PAPPA2: variants seen among roughly 807,000 people sequenced by gnomAD.
PAPPA2 encodes the protein pappalysin 2.
In PAPPA2, 86 loss-of-function variants were observed where a neutral mutation model predicts 176.4. The observed-to-expected ratio is 0.49, with a 90% CI of 0.41 to 0.58. The LOEUF (loss-of-function observed/expected upper bound fraction) is 0.58, where lower values mean the gene tolerates loss of function less well. Ranked by LOEUF, PAPPA2 falls within the 20% of genes least tolerant of loss-of-function variation. The pLI is 0.00. For missense variants in PAPPA2, 2,073 were observed against 2,256.9 expected, an observed-to-expected ratio of 0.92 and a Z score of 1.65; for synonymous variants, 809 against 852.2, an observed-to-expected ratio of 0.95 and a Z score of 0.88.
intron 3 of PAPPA2, among the ~76,000 whole-genome samples, chr1:176,630,787 T>A (rs1369628202): frequency 6.6e-6 from 1 of 152,158 alleles, no homozygotes; most frequent in Non-Finnish European, 1.5e-5. Context: ...CATAAAGAAT[T>A]GATGAGAAGC....
chr1:176,711,540 T>C (rs1281769216), intron 11 of PAPPA2, among the ~76,000 whole-genome samples: 1 of 152,170 alleles, frequency 6.6e-6, no homozygotes, highest in Non-Finnish European at 1.5e-5. Flanking sequence ...TCCCTGGCTG[T>C]TCCTGGGGCA....
intron 17 of PAPPA2, among the ~76,000 whole-genome samples, chr1:176,777,370 A>G (rs1404326870): frequency 6.6e-6 from 1 of 152,024 alleles, no homozygotes. Context: ...TTCCTTCTTG[A>G]TGGGTTTTGG....
chr1:176,738,941 T>A (rs1288119467), intron 12 of PAPPA2, among the ~76,000 whole-genome samples: 1 of 152,152 alleles, frequency 6.6e-6, no homozygotes, highest in Non-Finnish European at 1.5e-5. Flanking sequence ...CTAGGGACAT[T>A]CCTGAGTGAT....
intron 3 of PAPPA2, among the ~76,000 whole-genome samples, chr1:176,630,890 C>T (rs1441068662): frequency 6.6e-6 from 1 of 152,050 alleles, no homozygotes; most frequent in African/African-American, 2.4e-5. Flanking sequence ...GCAAAACTGT[C>T]CAGTAGAAAA....
At chr1:176,552,030 C>G (rs1412808530) in intron 1 of PAPPA2, among the ~76,000 whole-genome samples, 1 of 152,060 alleles carries the variant, frequency 6.6e-6, no homozygotes, top group African/African-American at 2.4e-5. Context: ...AGACAGTCCC[C>G]CTACTGTGTG....
chr1:176,694,237 G>A (rs72716876), intron 6 of PAPPA2, among the ~76,000 whole-genome samples: 7,729 of 152,284 alleles, frequency 0.051, 293 homozygotes, highest in East Asian at 0.083. Flanking sequence ...TTTTGTTCAT[G>A]TTAGAAGTGA....
intron 2 of PAPPA2, among the ~76,000 whole-genome samples, chr1:176,582,874 C>T (rs916016192): frequency 6.6e-6 from 1 of 152,136 alleles, no homozygotes. Flanking sequence ...TGTAGTAAAG[C>T]AGTGAAGACT....
In PAPPA2 at chr1:176,711,954, G is replaced by A. The variant is rs369587187; in HGVS notation, c.3771G>A (p.Leu1257=). The change falls in exon 12 of 23, where the codon CTG becomes CTA. Residue 1257 remains leucine (L), a synonymous_variant. Transcript: ENST00000367662. ...GGAGTGAACAGCCAGAAGGTAGCCT[G>A]AAGAAAGAGGATGAGGTTTGGCTCA... ...DDRSEQPEGS[L]KKEDEVWLKV... is the part of the protein sequence containing the mutation. 49 of 1,613,226 alleles carry A rather than the reference G, an allele frequency of 3.0e-5. No homozygotes were observed. Among genetic ancestry groups the A allele is most frequent in the Non-Finnish European group, 3.9e-5 (46 of 1,179,394 alleles).
intron 3 of PAPPA2, among the ~76,000 whole-genome samples, chr1:176,630,655 GA>G (rs1011190702): frequency 5.5e-4 from 83 of 151,858 alleles, no homozygotes; most frequent in African/African-American, 1.9e-3. Flanking sequence ...CAAAAGTGGA[GA>G]AAAAAAAGAT....
chr1:176,779,476 T>TCACACACACACA (rs376976102), intron 17 of PAPPA2, among the ~76,000 whole-genome samples: 143 of 126,952 alleles, frequency 1.1e-3, no homozygotes, highest in African/African-American at 1.7e-3. Flanking sequence ...TCCATACTCA[T>TCACACACACACA]CACACACACA....
At chr1:176,552,309 C>A (rs1432467476) in intron 1 of PAPPA2, among the ~76,000 whole-genome samples, 5 of 150,836 alleles carry the variant, frequency 3.3e-5, no homozygotes, top group Non-Finnish European at 7.4e-5. Context: ...TCCATTTTAC[C>A]CTCTCCTCCT....
At chr1:176,469,335 C>T (rs1651770334) in intron 1 of PAPPA2, among the ~76,000 whole-genome samples, 2 of 152,136 alleles carry the variant, frequency 1.3e-5, no homozygotes, top group Admixed American at 6.5e-5. Flanking sequence ...TCTCCCTCAC[C>T]TTGCTTTCTC....
intron 4 of PAPPA2, among the ~76,000 whole-genome samples, chr1:176,680,659 T>G (rs1659541757): frequency 6.6e-6 from 1 of 152,062 alleles, no homozygotes; most frequent in African/African-American, 2.4e-5. Context: ...CGCTTCTCAG[T>G]TGAGTTATCA....
rs76553382 is a variant in PAPPA2 at position 176,686,191 on chromosome 1, C to G, written c.2138-3946C>G. On this transcript the variant is annotated intron_variant, in intron 4 of 22. Coordinates refer to ENST00000367662, the MANE Select transcript of PAPPA2 (RefSeq NM_020318.3). ...TTCTCACGCTGCTTTGAAGAAATAC[C>G]TGAGGCTGGGTAATTTATTAAGGGA... Among the ~76,000 whole-genome samples, 952 of 152,196 alleles carry G rather than the reference C, an allele frequency of 6.3e-3. 15 individuals are homozygous for G. The highest frequency in any genetic ancestry group is 0.019 in the African/African-American group (804 of 41,534).
Position 176,690,342 on chromosome 1 carries a change from G to A in PAPPA2, c.2343G>A (p.Glu781=). The A allele has an allele frequency of 1.2e-6, 2 of 1,614,176 alleles. No individual in the cohort carries two copies. Among genetic ancestry groups the A allele is most frequent in the Non-Finnish European group, 1.7e-6 (2 of 1,180,018 alleles). Reference sequence around the variant, plus strand: ...ACACCGCCCCCACTCCCAAGAGTGAGCTGTGCCGGGAACCAGAGCCCACTA... The same window carrying A: ...ACACCGCCCCCACTCCCAAGAGTGAACTGTGCCGGGAACCAGAGCCCACTA... The part of the protein sequence containing the change: ...CADTAPTPKS[E]LCREPEPTSD... The change falls in exon 5 of 23, where the codon GAG becomes GAA. Residue 781 remains glutamate, a synonymous_variant. Coordinates refer to ENST00000367662, the MANE Select transcript of PAPPA2 (RefSeq NM_020318.3).
chr1:176,553,676 G>T (rs1335667615), intron 1 of PAPPA2: 1 of 152,050 alleles, frequency 6.6e-6, no homozygotes. Flanking sequence ...CATTAAAAGG[G>T]GGAGAAAAGC....
intron 3 of PAPPA2, among the ~76,000 whole-genome samples, chr1:176,657,504 C>T (rs1658097941): frequency 6.6e-6 from 1 of 151,826 alleles, no homozygotes; most frequent in East Asian, 1.9e-4. Flanking sequence ...TCAAGGAGTG[C>T]AAAACACGGA....
intron 2 of PAPPA2, among the ~76,000 whole-genome samples, chr1:176,570,081 T>C (rs1451954202): frequency 6.6e-6 from 1 of 152,240 alleles, no homozygotes; most frequent in African/African-American, 2.4e-5. Flanking sequence ...TTCTTCTAGG[T>C]TGTCTTTTTC....
chr1:176,620,429 T>C (rs1655519349), intron 3 of PAPPA2, among the ~76,000 whole-genome samples: 1 of 152,154 alleles, frequency 6.6e-6, no homozygotes, highest in Non-Finnish European at 1.5e-5. Flanking sequence ...GGAAAATTGA[T>C]TTCTGAGTTT....
Sources: allele counts gnomAD v4.1 joint callset (sites outside exome capture counted in the v4.1 genomes callset), GRCh38; gene constraint gnomAD v4.1.1; transcripts MANE v1.5; gene names NCBI Gene and HGNC (gene_info 2026-07-23, HGNC 2026-07-21).